The following WWC2 variants were observed in gnomAD, a reference collection of about 807,000 sequenced individuals.
The protein encoded by WWC2 is WW and C2 domain containing 2, also known as protein WWC2.
In WWC2, 101 loss-of-function variants were observed where a neutral mutation model predicts 138.5. That is an observed-to-expected ratio of 0.73 (90% CI 0.62 to 0.86). The LOEUF (loss-of-function observed/expected upper bound fraction) is 0.86, where lower values mean the gene tolerates loss of function less well. Ranked by LOEUF, WWC2 falls within the 40% of genes least tolerant of loss-of-function variation. WWC2 has a pLI of 0.00. For missense variants in WWC2, 1,420 were observed against 1,419.4 expected (o/e 1.00, Z -0.01); for synonymous variants, 558 against 538.4 (o/e 1.04, Z -0.50).
intron 1 of WWC2, among the ~76,000 whole-genome samples, chr4:183,126,197 A>G (rs1344812869): frequency 6.6e-6 from 1 of 152,148 alleles, no homozygotes; most frequent in Non-Finnish European, 1.5e-5. Flanking sequence ...TGCCTTGTTC[A>G]TTGGGGTATT....
At chr4:183,258,863 A>G (rs1737233670) in intron 9 of WWC2, among the ~76,000 whole-genome samples, 1 of 152,224 alleles carries the variant, frequency 6.6e-6, no homozygotes. Context: ...TTCACACGAC[A>G]TAGACTATAC....
Position 183,152,581 on chromosome 4 carries a change from T to C in WWC2, c.132-41018T>C, listed in dbSNP as rs1733671628. 2.0e-5 allele frequency among the ~76,000 whole-genome samples: 3 copies of C among 151,484 alleles called. No homozygotes were observed. In the South Asian group the frequency reaches 6.2e-4, roughly 31 times the overall value. On this transcript the variant is annotated intron_variant, in intron 1 of 22. Coordinates refer to ENST00000403733, the MANE Select transcript of WWC2 (RefSeq NM_024949.6). ...AGGCGTTCACATGTGCATATAGTTT[T>C]GTTTTCGAGAGTTGGGGTCTTGACC...
Position 183,320,087 on chromosome 4 carries a change from T to C in WWC2, c.*4358T>C, listed in dbSNP as rs1473399117. 1 of 1,614,162 alleles carries C rather than the reference T, an allele frequency of 6.2e-7. No homozygotes were observed. Among genetic ancestry groups the C allele is most frequent in the African/African-American group, 1.3e-5 (1 of 75,040 alleles). ...TTTGCCAGAGTCCCATGGTCCAGTT[T>C]TCCATTTCATTTAAGTCCAGGTTGA... is the stretch of plus-strand genomic sequence containing the variant. On this transcript the variant is annotated 3_prime_UTR_variant, in exon 23 of 23. Transcript: ENST00000403733.
chr4:183,156,492 T>G (rs886616088), intron 1 of WWC2, among the ~76,000 whole-genome samples: 3 of 152,066 alleles, frequency 2.0e-5, no homozygotes, highest in South Asian at 2.1e-4. Flanking sequence ...CCACCATGCC[T>G]GGCTAGTTTT....
chr4:183,117,065 C>A (rs1423141562), intron 1 of WWC2, among the ~76,000 whole-genome samples: 4 of 152,116 alleles, frequency 2.6e-5, no homozygotes, highest in African/African-American at 9.7e-5. Flanking sequence ...ATCTAGGCTT[C>A]TGTGGAACCA....
chr4:183,154,671 T>G (rs1425829450), intron 1 of WWC2, among the ~76,000 whole-genome samples: 1 of 152,210 alleles, frequency 6.6e-6, no homozygotes, highest in Non-Finnish European at 1.5e-5. Context: ...TTTAACCGGA[T>G]TAAGATGAAG....
intron 1 of WWC2, among the ~76,000 whole-genome samples, chr4:183,112,656 A>G (rs1306333478): frequency 6.6e-6 from 1 of 152,210 alleles, no homozygotes; most frequent in African/African-American, 2.4e-5. Flanking sequence ...CTCTGTTTTC[A>G]TGGATTTTAT....
chr4:183,203,946 C>T (rs1288714622), intron 2 of WWC2, among the ~76,000 whole-genome samples: 2 of 152,160 alleles, frequency 1.3e-5, no homozygotes, highest in Non-Finnish European at 2.9e-5. Flanking sequence ...CTTCAGTTTC[C>T]ATTTGCATAG....
intron 21 of WWC2, among the ~76,000 whole-genome samples, chr4:183,294,230 A>G (rs775921755): frequency 7.9e-5 from 12 of 152,156 alleles, no homozygotes; most frequent in South Asian, 2.1e-4. Flanking sequence ...GAGATGGCCA[A>G]TTCTTTCTAA....
At chr4:183,294,401 A>G (rs1190501437) in intron 21 of WWC2, among the ~76,000 whole-genome samples, 1 of 152,234 alleles carries the variant, frequency 6.6e-6, no homozygotes, top group African/African-American at 2.4e-5. Context: ...TTAAACTGCT[A>G]AAATAGTGGG....
chr4:183,295,871 T>G (rs185400995), intron 21 of WWC2, among the ~76,000 whole-genome samples: 2 of 152,318 alleles, frequency 1.3e-5, no homozygotes, highest in East Asian at 3.9e-4. Context: ...GAAATAATGA[T>G]AGGAATGTGA....
At chr4:183,233,615 T>G (rs1736326144) in intron 4 of WWC2, 1 of 152,226 alleles carries the variant, frequency 6.6e-6, no homozygotes, top group Non-Finnish European at 1.5e-5. Flanking sequence ...AACAAAAGAT[T>G]TAAAAAAAAT....
chr4:183,142,271 TA>T (rs2111097942), intron 1 of WWC2, among the ~76,000 whole-genome samples: 1 of 152,342 alleles, frequency 6.6e-6, no homozygotes, highest in South Asian at 2.1e-4. Flanking sequence ...ATATTGCTGT[TA>T]TTAATGTGAA....
chr4:183,103,429 C>T (rs1002535162), intron 1 of WWC2, among the ~76,000 whole-genome samples: 24 of 149,758 alleles, frequency 1.6e-4, no homozygotes, highest in Admixed American at 1.2e-3. Flanking sequence ...CGGGTTCAAG[C>T]GATTCTCCTG....
chr4:183,264,271 C>G (rs1029650597), intron 11 of WWC2, among the ~76,000 whole-genome samples: 1 of 152,214 alleles, frequency 6.6e-6, no homozygotes, highest in Non-Finnish European at 1.5e-5. Flanking sequence ...CCTGCGCTCA[C>G]TCTCACTCAC....
intron 1 of WWC2, among the ~76,000 whole-genome samples, chr4:183,160,158 A>C (rs1349840056): frequency 1.3e-5 from 2 of 152,246 alleles, no homozygotes; most frequent in African/African-American, 4.8e-5. Flanking sequence ...CATCATGATC[A>C]GTGACAAATC....
chr4:183,191,230 T>C (rs1336372333), intron 1 of WWC2, among the ~76,000 whole-genome samples: 1 of 152,066 alleles, frequency 6.6e-6, no homozygotes, highest in Non-Finnish European at 1.5e-5. Flanking sequence ...CCAGGGCAGT[T>C]TTTGATAGAA....
chr4:183,108,112 G>A (rs1732101763), intron 1 of WWC2, among the ~76,000 whole-genome samples: 1 of 152,086 alleles, frequency 6.6e-6, no homozygotes, highest in East Asian at 1.9e-4. Flanking sequence ...ATATACATCA[G>A]CTTATTCAAA....
chr4:183,280,025 T>C (rs1738010690), intron 16 of WWC2, among the ~76,000 whole-genome samples: 1 of 152,062 alleles, frequency 6.6e-6, no homozygotes, highest in African/African-American at 2.4e-5. Context: ...CTTTCACTCT[T>C]TAGTTCCTAA....
Sources: gnomAD v4.1 joint callset for allele counts (sites outside exome capture counted in the v4.1 genomes callset) on GRCh38, gnomAD v4.1.1 for gene constraint, MANE v1.5 for transcripts, NCBI Gene and HGNC (gene_info 2026-07-23, HGNC 2026-07-21) for gene names.